Variants in NCOA6 observed in about 807,000 individuals in gnomAD.
NCOA6 encodes nuclear receptor coactivator 6, also known as NRC RAP250.
Under a neutral mutation model 171.4 loss-of-function variants are expected in NCOA6, and 49 were observed. The observed-to-expected ratio is 0.29, with a 90% CI of 0.23 to 0.36. The LOEUF is 0.36. NCOA6 is among the 10% of genes least tolerant of loss of function. The probability of loss-of-function intolerance (pLI) is 1.00; values close to 1 mark genes in which losing one functional copy is unlikely to be tolerated. For synonymous variants in NCOA6, 910 were observed against 927.5 expected (o/e 0.98, Z 0.34); for missense variants, 2,248 against 2,554.5 (o/e 0.88, Z 2.59).
intron 13 of NCOA6, among the ~76,000 whole-genome samples, chr20:34,728,508 G>A (rs1990240512): frequency 6.6e-6 from 1 of 152,090 alleles, no homozygotes; most frequent in African/African-American, 2.4e-5. Flanking sequence ...GGAATCTTTT[G>A]GGTACAGGCC....
rs1233433307 is a variant in NCOA6, at chr20:34,750,027, C to A, written c.2168G>T (p.Gly723Val). Residue 723 changes from glycine (G) to valine (V), a missense_variant, in exon 9 of 15, where the codon GGG (glycine) becomes GTG (valine). By Grantham distance (109) the Gly-to-Val change is moderately radical (BLOSUM62 -3). This residue lies in a region of NCOA6 where 987 missense variants were observed against 1,104.7 expected (regional missense o/e 0.89). Transcript: ENST00000359003. ...CTGAGTGTTAAACTGCTGCTTATTC[C>A]CCTGCATTTGATTGGTCATAATCTG... is the stretch of plus-strand genomic sequence containing the variant. The part of the protein sequence containing the change: ...IEQIMTNQMQ[G>V]NKQQFNTQNQ... The A allele has an allele frequency of 1.2e-6, 2 of 1,614,208 alleles. No homozygotes were observed. Among genetic ancestry groups the A allele is most frequent in the Non-Finnish European group, 1.7e-6 (2 of 1,180,042 alleles).
chr20:34,746,325 G>A (rs938792415), intron 10 of NCOA6, among the ~76,000 whole-genome samples: 6 of 149,604 alleles, frequency 4.0e-5, no homozygotes, highest in Non-Finnish European at 5.9e-5. Flanking sequence ...CTGCAACTTC[G>A]ACTTCCTGGG....
intron 9 of NCOA6, among the ~76,000 whole-genome samples, chr20:34,747,718 A>G (rs1356594116): frequency 6.6e-6 from 1 of 152,126 alleles, no homozygotes; most frequent in African/African-American, 2.4e-5. Context: ...GTACAGTTTC[A>G]TAAGCCACAA....
intron 4 of NCOA6, among the ~76,000 whole-genome samples, chr20:34,772,208 G>A (rs6088597): frequency 6.6e-6 from 1 of 152,052 alleles, no homozygotes; most frequent in Non-Finnish European, 1.5e-5. Context: ...TAGCTACTCA[G>A]GAGGCTGAGA....
chr20:34,770,468 T>C (rs913098248), intron 4 of NCOA6, among the ~76,000 whole-genome samples: 1 of 152,114 alleles, frequency 6.6e-6, no homozygotes, highest in South Asian at 2.1e-4. Context: ...AGAAACAGAA[T>C]ACAGGTCATG....
At chr20:34,806,215 T>C (rs2078445422) in intron 1 of NCOA6, among the ~76,000 whole-genome samples, 1 of 152,322 alleles carries the variant, frequency 6.6e-6, no homozygotes, top group South Asian at 2.1e-4. Flanking sequence ...ACATTTTCTT[T>C]GGAGAAATGT....
intron 1 of NCOA6, among the ~76,000 whole-genome samples, chr20:34,823,364 AAAAAGAAAAG>A (rs143929618): frequency 0.053 from 8,054 of 152,258 alleles, 248 homozygotes; most frequent in East Asian, 0.079. Context: ...CAAACAGAAA[AAAAAGAAAAG>A]AAAAGAAAAG....
intron 1 of NCOA6, among the ~76,000 whole-genome samples, chr20:34,809,792 C>T (rs2078591510): frequency 2.0e-5 from 3 of 152,082 alleles, no homozygotes; most frequent in Admixed American, 1.3e-4. Flanking sequence ...CATGGCAAAA[C>T]CCCATCTCTA....
At position 34,758,011 on chromosome 20, in the gene NCOA6, A is replaced by G. The variant is rs2076701172; in HGVS notation, c.737T>C (p.Val246Ala). 6.2e-7 allele frequency: 1 copy of G among 1,613,982 alleles called. No homozygotes were observed. Among genetic ancestry groups the G allele is most frequent in the Non-Finnish European group, 8.5e-7 (1 of 1,180,002 alleles). The change falls in exon 7 of 15, where the codon GTC becomes GCC. Residue 246 changes from valine to alanine, a missense_variant. Transcript: ENST00000359003. ...TGGGTTCATTTGTCTGTTCACAGAG[A>G]CAGGCTGCATTGGGTGATGTGGGGG... ...LAPPHHPMQP[V>A]SVNRQMNPAN...
intron 1 of NCOA6, among the ~76,000 whole-genome samples, chr20:34,811,371 C>T (rs1306668050): frequency 6.6e-6 from 1 of 151,622 alleles, no homozygotes; most frequent in African/African-American, 2.4e-5. Context: ...GTATCAAATG[C>T]AAACCTCTGA....
intron 8 of NCOA6, among the ~76,000 whole-genome samples, chr20:34,753,699 C>A (rs2145767732): frequency 6.6e-6 from 1 of 152,086 alleles, no homozygotes; most frequent in East Asian, 1.9e-4. Context: ...AACATGAATT[C>A]ATATAACTCA....
intron 14 of NCOA6, among the ~76,000 whole-genome samples, chr20:34,722,504 C>A (rs918795952): frequency 6.6e-6 from 1 of 151,598 alleles, no homozygotes; most frequent in African/African-American, 2.4e-5. Flanking sequence ...CACAGGGAGA[C>A]CCCATCTCTA....
intron 2 of NCOA6, among the ~76,000 whole-genome samples, chr20:34,792,192 ATTG>A (rs1476807416): frequency 6.6e-6 from 1 of 152,158 alleles, no homozygotes; most frequent in African/African-American, 2.4e-5. Context: ...AAAAATAAGT[ATTG>A]TTTACTGGTC....
chr20:34,729,592 C>T (rs1990369208), intron 13 of NCOA6, among the ~76,000 whole-genome samples: 1 of 152,078 alleles, frequency 6.6e-6, no homozygotes. Context: ...CAAAAGGCTG[C>T]CTCTTCTGGG....
intron 14 of NCOA6, among the ~76,000 whole-genome samples, chr20:34,722,466 G>T (rs1989489477): frequency 6.6e-6 from 1 of 151,758 alleles, no homozygotes; most frequent in South Asian, 2.1e-4. Context: ...GATCACTTGA[G>T]GCTAGGAGCT....
intron 14 of NCOA6, among the ~76,000 whole-genome samples, chr20:34,721,781 C>G (rs1050052153): frequency 6.6e-6 from 1 of 152,132 alleles, no homozygotes; most frequent in Admixed American, 6.5e-5. Flanking sequence ...AATATCAGGG[C>G]ATAGTGGCTC....
chr20:34,780,052 T>C (rs1288129144), intron 3 of NCOA6, among the ~76,000 whole-genome samples: 2 of 152,186 alleles, frequency 1.3e-5, no homozygotes, highest in East Asian at 3.9e-4. Context: ...TTCCTTTCCA[T>C]TACATGTAGG....
chr20:34,815,241 T>G (rs1317891984), intron 1 of NCOA6, among the ~76,000 whole-genome samples: 10 of 148,436 alleles, frequency 6.7e-5, no homozygotes, highest in Non-Finnish European at 1.3e-4. Flanking sequence ...GGTGAGGTGG[T>G]GAACACCTGT....
At chr20:34,753,792 CTTT>C (rs1189702501) in intron 8 of NCOA6, among the ~76,000 whole-genome samples, 1 of 152,126 alleles carries the variant, frequency 6.6e-6, no homozygotes, top group South Asian at 2.1e-4. Flanking sequence ...ATAGTGTGAA[CTTT>C]TTTTGTAAAA....
Sources: gnomAD v4.1 joint callset for allele counts (sites outside exome capture counted in the v4.1 genomes callset) on GRCh38, gnomAD v4.1.1 for gene constraint, gnomAD v4.1.1 regional missense constraint, MANE v1.5 for transcripts, NCBI Gene and HGNC (gene_info 2026-07-23, HGNC 2026-07-21) for gene names.